MALRD1: variants seen among roughly 807,000 people sequenced by gnomAD.
The protein encoded by MALRD1 is MAM and LDL-receptor class A domain-containing protein 1.
Under a neutral mutation model 242.1 loss-of-function variants are expected in MALRD1, and 247 were observed. The observed-to-expected ratio is 1.02, with a 90% CI of 0.92 to 1.13. MALRD1 has a LOEUF of 1.13. MALRD1 is among the 50% of genes most tolerant of loss of function. The probability of loss-of-function intolerance (pLI) is 0.00; values close to 1 mark genes in which losing one functional copy is unlikely to be tolerated. For synonymous variants in MALRD1, 995 were observed against 866.6 expected, an observed-to-expected ratio of 1.15 and a Z score of -2.60; for missense variants, 2,989 against 2,533.1, an observed-to-expected ratio of 1.18 and a Z score of -3.86.
chr10:19,131,870 T>C (rs562678811), intron 8 of MALRD1, among the ~76,000 whole-genome samples: 2 of 152,308 alleles, frequency 1.3e-5, no homozygotes, highest in East Asian at 1.9e-4. Context: ...CTTTGCTGAG[T>C]TGGAGATTTC....
intron 31 of MALRD1, among the ~76,000 whole-genome samples, chr10:19,513,767 C>A (rs1833512426): frequency 1.3e-5 from 2 of 151,680 alleles, no homozygotes; most frequent in African/African-American, 4.8e-5. Context: ...AATTATCCAA[C>A]CTAAGGTACT....
intron 18 of MALRD1, among the ~76,000 whole-genome samples, 154 bp downstream of exon 18, chr10:19,209,834 T>G (rs1220576248): frequency 1.3e-5 from 2 of 152,200 alleles, no homozygotes; most frequent in Non-Finnish European, 2.9e-5. Flanking sequence ...GTATCAAAGC[T>G]CTTTACATTG....
intron 38 of MALRD1, among the ~76,000 whole-genome samples, chr10:19,724,759 A>G (rs1834938161): frequency 6.6e-6 from 1 of 152,234 alleles, no homozygotes; most frequent in South Asian, 2.1e-4. Context: ...AGTAAAACGC[A>G]TTCAAATTGG....
chr10:19,203,888 G>A lies in MALRD1; in HGVS notation c.2104+8G>A. 1 of 1,550,452 alleles carries A rather than the reference G, an allele frequency of 6.4e-7. No individual in the cohort carries two copies. The highest frequency in any genetic ancestry group is 8.7e-7 in the Non-Finnish European group (1 of 1,146,898). ...GTCTCAACGCATCTCAAGGTAAGAA[G>A]CAAACAGGGACTCTACAACCACTGC... On this transcript the variant is annotated splice_region_variant and intron_variant, in intron 15 of 39. Coordinates refer to ENST00000454679, the MANE Select transcript of MALRD1 (RefSeq NM_001142308.3).
chr10:19,244,704 G>A (rs115457871), intron 18 of MALRD1, among the ~76,000 whole-genome samples: 101 of 152,294 alleles, frequency 6.6e-4, no homozygotes, highest in African/African-American at 2.4e-3. Context: ...ACAGCAACGT[G>A]CAACGTGCAA....
intron 18 of MALRD1, among the ~76,000 whole-genome samples, chr10:19,227,429 A>G (rs1295071155): frequency 6.6e-6 from 1 of 152,132 alleles, no homozygotes; most frequent in Non-Finnish European, 1.5e-5. Flanking sequence ...TAAATGGAGA[A>G]TATGAACTTC....
At chr10:19,103,654 A>G (rs1836359676) in intron 4 of MALRD1, among the ~76,000 whole-genome samples, 1 of 152,196 alleles carries the variant, frequency 6.6e-6, no homozygotes, top group Non-Finnish European at 1.5e-5. Flanking sequence ...ATGGATCCAA[A>G]AGCAGGTAAA....
In MALRD1 at chr10:19,383,586, G is replaced by A. The variant is rs1018851925; in HGVS notation, c.4442-3942G>A. On this transcript the variant is annotated intron_variant, in intron 26 of 39. Coordinates refer to ENST00000454679, the MANE Select transcript of MALRD1 (RefSeq NM_001142308.3). ...TTTTGATAATGAATATGAATTGAGAGTTACTAAGTACATACCTTATATGGT... is the reference window on the plus strand; with the variant it reads ...TTTTGATAATGAATATGAATTGAGAATTACTAAGTACATACCTTATATGGT... 4.6e-5 allele frequency among the ~76,000 whole-genome samples: 7 copies of A among 151,904 alleles called. No individual in the cohort carries two copies. The South Asian group carries it at 6.2e-4, about 14-fold the overall frequency.
intron 14 of MALRD1, among the ~76,000 whole-genome samples, chr10:19,186,927 G>C (rs891631107): frequency 3.3e-5 from 5 of 152,130 alleles, no homozygotes; most frequent in African/African-American, 1.2e-4. Flanking sequence ...CTAACACTAA[G>C]TGTTCCAAGC....
At chr10:19,389,836 T>C (rs931886593) in intron 28 of MALRD1, among the ~76,000 whole-genome samples, 1 of 152,154 alleles carries the variant, frequency 6.6e-6, no homozygotes, top group African/African-American at 2.4e-5. Flanking sequence ...AATAATTTTA[T>C]ATTTTTTGTA....
intron 5 of MALRD1, among the ~76,000 whole-genome samples, chr10:19,117,108 A>G (rs1262554587): frequency 3.2e-4 from 49 of 151,954 alleles, no homozygotes; most frequent in Non-Finnish European, 6.5e-4. Context: ...AAAAAAAAAA[A>G]AAGAAGAAAG....
At chr10:19,713,976 C>T (rs1170252007) in intron 38 of MALRD1, among the ~76,000 whole-genome samples, 3 of 152,102 alleles carry the variant, frequency 2.0e-5, no homozygotes, top group Non-Finnish European at 4.4e-5. Context: ...AGGGGGAGCA[C>T]GCAGACAGGC....
chr10:19,530,465 A>AATATATATAAT, intron 31 of MALRD1, among the ~76,000 whole-genome samples: 1 of 89,512 alleles, frequency 1.1e-5, no homozygotes, highest in South Asian at 3.1e-4. Context: ...ATATAATAAT[A>AATATATATAAT]AATAATTATA....
chr10:19,651,002 C>A lies in MALRD1; in HGVS notation c.6137+35079C>A, dbSNP rs7922183. Among the ~76,000 whole-genome samples, 530 of 152,258 alleles carry A rather than the reference C, an allele frequency of 3.5e-3. 4 individuals carry two copies. The highest frequency in any genetic ancestry group is 0.012 in the African/African-American group (516 of 41,560). On this transcript the variant is annotated intron_variant, in intron 36 of 39. Transcript: ENST00000454679. Reference sequence around the variant, plus strand: ...AGTGGATAATAGAAAGCCAGTCTCCCCACTATCTCTAGAATCCCTTGTCCA... The same window carrying A: ...AGTGGATAATAGAAAGCCAGTCTCCACACTATCTCTAGAATCCCTTGTCCA...
At chr10:19,625,271 T>A (rs1341409807) in intron 36 of MALRD1, among the ~76,000 whole-genome samples, 1 of 152,054 alleles carries the variant, frequency 6.6e-6, no homozygotes, top group East Asian at 1.9e-4. Flanking sequence ...TTGAATAAAA[T>A]GCCTTAAAGG....
intron 39 of MALRD1, 31 bp downstream of exon 39, chr10:19,730,812 A>T: frequency 6.7e-7 from 1 of 1,498,248 alleles, no homozygotes; most frequent in African/African-American, 1.4e-5. Flanking sequence ...ATATCTTTTC[A>T]CACATATGCA....
chr10:19,357,985 G>A (rs912857582), intron 26 of MALRD1, among the ~76,000 whole-genome samples: 1 of 151,796 alleles, frequency 6.6e-6, no homozygotes, highest in Non-Finnish European at 1.5e-5. Context: ...AAGTCCCTAG[G>A]AGTCACATTT....
rs549978941 is a variant in MALRD1 at position 19,192,032 on chromosome 10, A to G, written c.1952-11696A>G. 7.2e-5 allele frequency among the ~76,000 whole-genome samples: 11 copies of G among 152,140 alleles called. No homozygotes were observed. The South Asian group carries it at 2.1e-3, about 29-fold the overall frequency. ...ATAAGTAAATAAATGAAAATAAATA[A>G]AATAAAAAAAAAACTTGAGGACATA... On this transcript the variant is annotated intron_variant, in intron 14 of 39. Transcript: ENST00000454679.
chr10:19,579,676 A>G (rs903186506), intron 33 of MALRD1, among the ~76,000 whole-genome samples: 1 of 152,188 alleles, frequency 6.6e-6, no homozygotes, highest in Non-Finnish European at 1.5e-5. Context: ...ATGGGGAAGA[A>G]CGTGAGTATA....
Sources: allele counts gnomAD v4.1 joint callset (sites outside exome capture counted in the v4.1 genomes callset), GRCh38; gene constraint gnomAD v4.1.1; transcripts MANE v1.5; gene names NCBI Gene and HGNC (gene_info 2026-07-23, HGNC 2026-07-21).